The following MTBP variants were observed in gnomAD, a reference collection of about 807,000 sequenced individuals.
The protein encoded by MTBP is mdm2-binding protein.
MTBP carries 101 observed loss-of-function variants against 117.0 expected under a neutral mutation model. That is an observed-to-expected ratio of 0.86 (90% CI 0.73 to 1.02). The LOEUF (loss-of-function observed/expected upper bound fraction) is 1.02. MTBP is among the 50% of genes least tolerant of loss of function. The pLI is 0.00. For missense variants in MTBP, 970 were observed against 1,030.9 expected (o/e 0.94, Z 0.81); for synonymous variants, 350 against 351.5 (o/e 1.00, Z 0.05).
At chr8:120,497,282 A>T (rs1342317740) in intron 13 of MTBP, 111 bp from the exon 14 acceptor site, 2 of 947,780 alleles carry the variant, frequency 2.1e-6, no homozygotes, top group African/African-American at 3.4e-5. Flanking sequence ...AGGAATGTTG[A>T]TTTACTAGAG....
At chr8:120,511,488 G>T (rs1814808651) in intron 17 of MTBP, among the ~76,000 whole-genome samples, 1 of 152,136 alleles carries the variant, frequency 6.6e-6, no homozygotes, top group Non-Finnish European at 1.5e-5. Flanking sequence ...TAGAGACAGG[G>T]TTTAGCCATG....
intron 6 of MTBP, among the ~76,000 whole-genome samples, chr8:120,456,197 G>T (rs1241669869): frequency 6.6e-6 from 1 of 152,124 alleles, no homozygotes; most frequent in Non-Finnish European, 1.5e-5. Flanking sequence ...TCCATGCAAA[G>T]ATGTATGGGA....
rs1024375729 is a variant in MTBP at position 120,523,434 on chromosome 8, T to C, written c.*98T>C. 2 of 703,726 alleles carry C rather than the reference T, an allele frequency of 2.8e-6. 1 individual carries two copies. The highest frequency in any genetic ancestry group is 4.6e-6 in the Non-Finnish European group (2 of 431,914). 43.6% of individuals were successfully genotyped at this position (703,726 alleles called of 1,614,324 possible). ...AAAATTATAAACAAATTTTAAGCTT[T>C]ATTCAAAGAATAGATGTTATATTTC... On this transcript the variant is annotated 3_prime_UTR_variant, in exon 22 of 22. Transcript: ENST00000305949.
At chr8:120,498,810 G>A in intron 14 of MTBP, among the ~76,000 whole-genome samples, 1 of 152,084 alleles carries the variant, frequency 6.6e-6, no homozygotes, top group Non-Finnish European at 1.5e-5. Context: ...GGGTCATGGA[G>A]GTAAGAAAAG....
intron 20 of MTBP, among the ~76,000 whole-genome samples, chr8:120,521,548 A>G (rs1325370924): frequency 6.6e-6 from 1 of 152,192 alleles, no homozygotes; most frequent in African/African-American, 2.4e-5. Context: ...AAGTAGCAAC[A>G]TAAGCATAGT....
chr8:120,455,693 AATTC>A, intron 6 of MTBP, 114 bp downstream of exon 6: 1 of 1,009,586 alleles, frequency 9.9e-7, no homozygotes, highest in South Asian at 1.5e-5. Context: ...GACAACATAA[AATTC>A]TATGTTATAC....
rs1162063509 is a variant in MTBP, at chr8:120,523,446, AGATGTTATATTTCTAAAGAATTTCATG to A, written c.*111_*137del. On this transcript the variant is annotated 3_prime_UTR_variant, in exon 22 of 22. Coordinates refer to ENST00000305949, the MANE Select transcript of MTBP (RefSeq NM_022045.5). ...AAATTTTAAGCTTTATTCAAAGAAT[AGATGTTATATTTCTAAAGAATTTCATG>A]AATATATATTCTATATTTGTATAGT... 3.4e-6 allele frequency: 2 copies of A among 588,690 alleles called. No individual in the cohort carries two copies. The highest frequency in any genetic ancestry group is 5.8e-6 in the Non-Finnish European group (2 of 347,678). 36.5% of individuals were successfully genotyped at this position (588,690 alleles called of 1,614,324 possible). A position where few individuals can be genotyped will look rare whatever the true frequency, so the allele number is the denominator to read the frequency against.
At chr8:120,452,824 C>T (rs1412106606) in intron 4 of MTBP, 8 of 115,550 alleles carry the variant, frequency 6.9e-5, no homozygotes, top group Non-Finnish European at 1.1e-4. Context: ...AGCAACACTC[C>T]GTCTCAAAAA....
intron 14 of MTBP, among the ~76,000 whole-genome samples, chr8:120,500,093 T>G (rs1487711601): frequency 6.6e-6 from 1 of 152,206 alleles, no homozygotes; most frequent in Non-Finnish European, 1.5e-5. Flanking sequence ...TCTTTTTGTT[T>G]GCTGTGATTT....
At chr8:120,479,752 A>T (rs577760761) in intron 11 of MTBP, among the ~76,000 whole-genome samples, 11 of 152,356 alleles carry the variant, frequency 7.2e-5, no homozygotes, top group Non-Finnish European at 1.3e-4. Flanking sequence ...TATAGGTCAA[A>T]GAAAAAATCA....
intron 5 of MTBP, 136 bp from the exon 6 acceptor site, chr8:120,455,299 G>T (rs376016181): frequency 8.0e-6 from 4 of 497,566 alleles, no homozygotes; most frequent in East Asian, 6.9e-5. Flanking sequence ...AAAACTAAAA[G>T]CTTCCTTTGT....
intron 17 of MTBP, among the ~76,000 whole-genome samples, chr8:120,511,391 G>A (rs182716272): frequency 6.6e-6 from 1 of 152,310 alleles, no homozygotes; most frequent in Admixed American, 6.5e-5. Context: ...CGTTTCCCGG[G>A]TTCAAGTGAT....
At chr8:120,447,672 T>C (rs1176608578) in intron 2 of MTBP, among the ~76,000 whole-genome samples, 1 of 152,102 alleles carries the variant, frequency 6.6e-6, no homozygotes, top group Non-Finnish European at 1.5e-5. Context: ...CATTAAAAAT[T>C]CTCTTACTGT....
chr8:120,476,814 A>G (rs929772574), intron 11 of MTBP, among the ~76,000 whole-genome samples: 1 of 152,216 alleles, frequency 6.6e-6, no homozygotes, highest in African/African-American at 2.4e-5. Flanking sequence ...TACCGTGAAA[A>G]TGGCCTTACT....
chr8:120,511,696 T>C (rs989484895), intron 17 of MTBP, among the ~76,000 whole-genome samples: 13 of 152,106 alleles, frequency 8.5e-5, no homozygotes, highest in Non-Finnish European at 1.5e-4. Context: ...TTTTCTGTTT[T>C]CCCCCTTCTG....
chr8:120,487,378 A>G (rs897388050), intron 11 of MTBP, among the ~76,000 whole-genome samples: 8 of 152,118 alleles, frequency 5.3e-5, no homozygotes, highest in Admixed American at 5.2e-4. Flanking sequence ...TTTGTTACCA[A>G]TTGTTCATAT....
At chr8:120,457,025 CA>C (rs1455027899) in intron 7 of MTBP, among the ~76,000 whole-genome samples, 1 of 151,844 alleles carries the variant, frequency 6.6e-6, no homozygotes, top group Non-Finnish European at 1.5e-5. Flanking sequence ...GTTGTTTATC[CA>C]AACTGCTTTA....
intron 14 of MTBP, among the ~76,000 whole-genome samples, chr8:120,499,094 T>C (rs1209022284): frequency 6.6e-6 from 1 of 152,178 alleles, no homozygotes; most frequent in Non-Finnish European, 1.5e-5. Context: ...TAATTGCACA[T>C]AGAATGCATC....
At chr8:120,457,342 T>C (rs1813490722) in intron 7 of MTBP, among the ~76,000 whole-genome samples, 1 of 152,222 alleles carries the variant, frequency 6.6e-6, no homozygotes, top group Admixed American at 6.5e-5. Context: ...TTATGTATTT[T>C]TGTAGATAGG....
Sources: allele counts gnomAD v4.1 joint callset (sites outside exome capture counted in the v4.1 genomes callset), GRCh38; gene constraint gnomAD v4.1.1; transcripts MANE v1.5; gene names NCBI Gene and HGNC (gene_info 2026-07-23, HGNC 2026-07-21).